ZSCAN5A: variants seen among roughly 807,000 people sequenced by gnomAD.
ZSCAN5A encodes the protein zinc finger and SCAN domain-containing protein 5A.
In ZSCAN5A, 12 loss-of-function variants were observed where a neutral mutation model predicts 23.7. The observed-to-expected ratio is 0.51, with a 90% CI of 0.32 to 0.82. The LOEUF is 0.82. ZSCAN5A is among the 40% of genes least tolerant of loss of function. The pLI is 0.03. For missense variants in ZSCAN5A, 597 were observed against 617.9 expected, an observed-to-expected ratio of 0.97 and a Z score of 0.36; for synonymous variants, 257 against 239.9, an observed-to-expected ratio of 1.07 and a Z score of -0.66.
intron 2 of ZSCAN5A, among the ~76,000 whole-genome samples, chr19:56,333,856 AAT>A (rs149429244): frequency 6.7e-5 from 10 of 150,130 alleles, no homozygotes; most frequent in African/African-American, 1.7e-4. Context: ...GAAAAAGAAA[AAT>A]ATATATATAT....
chr19:56,291,296 A>G (rs961047809), intron 2 of ZSCAN5A, among the ~76,000 whole-genome samples: 2 of 152,224 alleles, frequency 1.3e-5, no homozygotes, highest in Admixed American at 1.3e-4. Flanking sequence ...GGGATGCTCT[A>G]GTATCTTCCT....
chr19:56,244,221 A>G, intron 2 of ZSCAN5A: 1 of 1,606,792 alleles, frequency 6.2e-7, no homozygotes. Flanking sequence ...GACCCCATCC[A>G]GGCTCTGAGG....
chr19:56,233,435 T>G (rs1348305284), intron 2 of ZSCAN5A, among the ~76,000 whole-genome samples: 1 of 152,112 alleles, frequency 6.6e-6, no homozygotes, highest in Non-Finnish European at 1.5e-5. Context: ...CTGGAGATGA[T>G]TGGATATTAC....
At chr19:56,247,214 G>C (rs764561309) in intron 2 of ZSCAN5A, 1 of 516,792 alleles carries the variant, frequency 1.9e-6, no homozygotes, top group Non-Finnish European at 3.6e-6. Context: ...ATCCACACTG[G>C]TGAGAAGCCC....
At chr19:56,242,788 T>TA (rs11454775) in intron 2 of ZSCAN5A, among the ~76,000 whole-genome samples, 87,220 of 151,962 alleles carry the variant, frequency 0.57, 25,501 homozygotes, top group South Asian at 0.72. Context: ...TTTCTCTCTT[T>TA]TTTTTTTGAG....
rs188291860 is a variant in ZSCAN5A at position 56,313,852 on chromosome 19, A to G, written c.-229-468T>C. On this transcript the variant is annotated intron_variant, in intron 1 of 5. Transcript: ENST00000683990. ...GTCCAGACATTCATATCAGATTTCAATCATCTGGTGAGAGTTTACTGGGTG... is the reference window on the plus strand; with the variant it reads ...GTCCAGACATTCATATCAGATTTCAGTCATCTGGTGAGAGTTTACTGGGTG... 2.3e-3 allele frequency among the ~76,000 whole-genome samples: 343 copies of G among 152,338 alleles called. 1 individual carries two copies. Among genetic ancestry groups the G allele is most frequent in the Non-Finnish European group, 3.2e-3 (219 of 68,034 alleles).
Position 56,223,739 on chromosome 19 carries a change from G to A in ZSCAN5A, c.480C>T (p.Asp160=), listed in dbSNP as rs111907569. The change falls in exon 4 of 6, where the codon GAC becomes GAT. Residue 160 remains aspartate, a synonymous_variant. Transcript: ENST00000683990. ...APSSVRDDLK[D]VSSQRASSVN... The stretch of plus-strand genomic sequence containing the variant: ...CCGAGGAGGCCCGTTGGCTGGACAC[G>A]TCTTTCAGATCATCTCTGACACTGG... The A allele has an allele frequency of 4.5e-5, 73 of 1,613,846 alleles. No homozygotes were observed. Among genetic ancestry groups the A allele is most frequent in the African/African-American group, 1.2e-4 (9 of 74,948 alleles).
At position 56,326,651 on chromosome 19, in the gene ZSCAN5A, T is replaced by G. The variant is rs2041437267; in HGVS notation, c.-357-10383A>C. 2.0e-5 allele frequency among the ~76,000 whole-genome samples: 3 copies of G among 152,104 alleles called. No homozygotes were observed. In the South Asian group the frequency reaches 6.2e-4, roughly 32 times the overall value. On this transcript the variant is annotated intron_variant, in intron 2 of 6. Coordinates refer to the ZSCAN5A transcript ENST00000587340. ...TGGGTGCCTTTCAGTACTGGGCGAT[T>G]AACTGCAAATGACACCCCCACCCAC...
intron 2 of ZSCAN5A, among the ~76,000 whole-genome samples, chr19:56,277,531 G>C (rs1278718449): frequency 6.6e-6 from 1 of 151,802 alleles, no homozygotes; most frequent in Non-Finnish European, 1.5e-5. Flanking sequence ...TTTCCAGGGG[G>C]TGAGGGGTGG....
chr19:56,272,492 T>C (rs1476063298), intron 2 of ZSCAN5A, among the ~76,000 whole-genome samples: 1 of 152,138 alleles, frequency 6.6e-6, no homozygotes, highest in African/African-American at 2.4e-5. Flanking sequence ...TTTCTTTTGT[T>C]TTTTCCCTCC....
chr19:56,225,884 A>G (rs960630227), intron 2 of ZSCAN5A, among the ~76,000 whole-genome samples: 6 of 135,780 alleles, frequency 4.4e-5, no homozygotes, highest in Non-Finnish European at 9.0e-5. Context: ...AGCAATCACT[A>G]ATCTACCTTC....
intron 2 of ZSCAN5A, chr19:56,244,018 C>T: frequency 1.3e-6 from 1 of 786,330 alleles, no homozygotes; most frequent in Non-Finnish European, 2.1e-6. Flanking sequence ...TTCTCAGAGA[C>T]TGACTGAAAT....
intron 2 of ZSCAN5A, chr19:56,302,080 CA>C: frequency 8.1e-7 from 1 of 1,231,694 alleles, no homozygotes; most frequent in Non-Finnish European, 1.0e-6. Flanking sequence ...TCGTATCCTA[CA>C]ACAAAGGGGA....
chr19:56,322,186 TGCTTCAACATA>T, intron 2 of ZSCAN5A: 1 of 819,084 alleles, frequency 1.2e-6, no homozygotes, highest in Non-Finnish European at 2.2e-6. Context: ...TGCAGTCTGC[TGCTTCAACATA>T]GACCAGGCTC....
Position 56,356,298 on chromosome 19 carries a change from T to C in ZSCAN5A, c.-358+6937A>G, listed in dbSNP as rs530241148. Among the ~76,000 whole-genome samples, 18 of 148,546 alleles carry C rather than the reference T, an allele frequency of 1.2e-4. 3 individuals are homozygous for C. The highest frequency in any genetic ancestry group is 4.6e-4 in the African/African-American group (18 of 39,480). On this transcript the variant is annotated intron_variant, in intron 2 of 6. Coordinates refer to the ZSCAN5A transcript ENST00000587340. ...GAGCAGCCACCTTTTAAACAATCAG[T>C]GGTGGGAATTACGTGATGCAGGAAG...
intron 2 of ZSCAN5A, chr19:56,272,834 C>G (rs1305144757): frequency 2.0e-6 from 2 of 984,356 alleles, no homozygotes; most frequent in Admixed American, 6.1e-5. Context: ...CCAGCCCCAT[C>G]ATGCACAGAT....
chr19:56,280,590 G>A (rs1311284029), intron 2 of ZSCAN5A: 9 of 152,104 alleles, frequency 5.9e-5, no homozygotes, highest in African/African-American at 2.2e-4. Context: ...CAGAATACCT[G>A]AGACTGGATA....
chr19:56,273,772 A>G (rs1464512869), intron 2 of ZSCAN5A, among the ~76,000 whole-genome samples: 1 of 152,184 alleles, frequency 6.6e-6, no homozygotes, highest in Non-Finnish European at 1.5e-5. Flanking sequence ...AGACGGGGGC[A>G]TGTGAGTCAC....
At chr19:56,241,253 A>G (rs2035404107) in intron 2 of ZSCAN5A, among the ~76,000 whole-genome samples, 1 of 152,128 alleles carries the variant, frequency 6.6e-6, no homozygotes, top group Non-Finnish European at 1.5e-5. Context: ...GGTGATTTCT[A>G]GGAACATGAA....
Sources: gnomAD v4.1 joint callset for allele counts (sites outside exome capture counted in the v4.1 genomes callset) on GRCh38, gnomAD v4.1.1 for gene constraint, MANE v1.5 for transcripts, NCBI Gene and HGNC (gene_info 2026-07-23, HGNC 2026-07-21) for gene names.